The following BAIAP2 variants were observed in gnomAD, a reference collection of about 807,000 sequenced individuals.
BAIAP2 encodes BAR/IMD domain containing adaptor protein 2, also known as BAR/IMD domain-containing adapter protein 2.
A neutral mutation model predicts 63.0 loss-of-function variants in BAIAP2; 18 were observed. The ratio of observed to expected loss-of-function variants is 0.29; its 90% CI spans 0.20 to 0.42. The LOEUF is 0.42. Among genes scored for constraint, BAIAP2 ranks in the 10% least tolerant of loss-of-function variants. The probability of loss-of-function intolerance (pLI) is 1.00; values close to 1 mark genes in which losing one functional copy is unlikely to be tolerated. For missense variants in BAIAP2, 610 were observed against 734.3 expected (o/e 0.83, Z 1.96); for synonymous variants, 386 against 307.6 (o/e 1.25, Z -2.67).
At position 81,046,879 on chromosome 17, in the gene BAIAP2, G is replaced by T. The variant is rs2047893568; in HGVS notation, c.55-6789G>T. On this transcript the variant is annotated intron_variant, in intron 1 of 13. Transcript: ENST00000428708. This position sits in a 1 kb window ranked among gnomAD's most constrained non-coding sequence, Gnocchi z 4.5. ...TGTGAGGTCCGTGTCTGTGTGTGGGGTCCTCATGCTGTGGCTGTGGTGGCA... is the reference window on the plus strand; with the variant it reads ...TGTGAGGTCCGTGTCTGTGTGTGGGTTCCTCATGCTGTGGCTGTGGTGGCA... Among the ~76,000 whole-genome samples the T allele has an allele frequency of 3.3e-5, 5 of 152,220 alleles. No homozygotes were observed. The highest frequency in any genetic ancestry group is 3.3e-4 in the Admixed American group (5 of 15,276).
intron 13 of BAIAP2, among the ~76,000 whole-genome samples, chr17:81,111,658 G>A (rs555525863): frequency 7.2e-5 from 11 of 152,350 alleles, no homozygotes; most frequent in South Asian, 6.2e-4. Flanking sequence ...TCTGGAGTCC[G>A]GGTCTGAGTC....
intron 13 of BAIAP2, chr17:81,109,162 G>A: frequency 7.0e-7 from 1 of 1,436,288 alleles, no homozygotes; most frequent in Non-Finnish European, 9.1e-7. Context: ...TGATCCCCCA[G>A]GGTCCATGGT....
chr17:81,036,770 C>T (rs1360248631), intron 1 of BAIAP2: 4 of 1,113,318 alleles, frequency 3.6e-6, no homozygotes, highest in East Asian at 2.6e-5. Flanking sequence ...ACGGTTCTGG[C>T]CTTGTTGCTC....
chr17:81,079,563 C>CTG (rs1420451727), intron 3 of BAIAP2, among the ~76,000 whole-genome samples: 1 of 152,170 alleles, frequency 6.6e-6, no homozygotes, highest in African/African-American at 2.4e-5. Context: ...CAGCCCTGGG[C>CTG]TGGTGGGGTG....
intron 6 of BAIAP2, among the ~76,000 whole-genome samples, chr17:81,089,136 C>T (rs1013181543): frequency 6.6e-6 from 1 of 152,252 alleles, no homozygotes; most frequent in African/African-American, 2.4e-5. Flanking sequence ...TCAAGCCCAT[C>T]CCACACAGGG....
chr17:81,105,832 T>G, intron 10 of BAIAP2: 8 of 424,794 alleles, frequency 1.9e-5, no homozygotes, highest in East Asian at 4.6e-5. Context: ...GGCCTTGCAG[T>G]TGGGTCTGGT....
chr17:81,038,472 G>GGGA (rs973383899), intron 1 of BAIAP2, among the ~76,000 whole-genome samples: 7 of 152,236 alleles, frequency 4.6e-5, no homozygotes, highest in African/African-American at 1.4e-4. Context: ...AGAGCATCTG[G>GGGA]GGAGGAGGAG....
chr17:81,108,898 T>C, intron 13 of BAIAP2: 1 of 1,520,684 alleles, frequency 6.6e-7, no homozygotes, highest in Non-Finnish European at 8.8e-7. Flanking sequence ...TGCTCGGTGC[T>C]GGCGGACTCG....
intron 3 of BAIAP2, among the ~76,000 whole-genome samples, chr17:81,060,249 G>T (rs2050316276): frequency 6.6e-6 from 1 of 152,162 alleles, no homozygotes; most frequent in African/African-American, 2.4e-5. Context: ...TGTATTTACA[G>T]TGTGCAACCA....
At chr17:81,095,091 A>G (rs1470121139) in intron 6 of BAIAP2, among the ~76,000 whole-genome samples, 1 of 152,212 alleles carries the variant, frequency 6.6e-6, no homozygotes, top group Non-Finnish European at 1.5e-5. Context: ...AAGTGGGAGC[A>G]TTCTGTGGGT....
At position 81,116,343 on chromosome 17, in the gene BAIAP2, G is replaced by GCTACACCTGGAGTGTGGGGC. The variant is rs1568210590; in HGVS notation, c.*507_*526dup. The GCTACACCTGGAGTGTGGGGC allele has an allele frequency of 6.2e-7, 1 of 1,610,844 alleles. No homozygotes were observed. The highest frequency in any genetic ancestry group is 8.5e-7 in the Non-Finnish European group (1 of 1,179,028). On this transcript the variant is annotated 3_prime_UTR_variant, in exon 14 of 14. Coordinates refer to ENST00000428708, the MANE Select transcript of BAIAP2 (RefSeq NM_001144888.2). Reference sequence around the variant, plus strand: ...CACGTAATTCCCTGCAGGTCCGGCAGCTACACCTGGAGTGTGGGGCCTGGT... The same window carrying GCTACACCTGGAGTGTGGGGC: ...CACGTAATTCCCTGCAGGTCCGGCAGCTACACCTGGAGTGTGGGGCCTACACCTGGAGTGTGGGGCCTGGT...
rs146631363 is a variant in BAIAP2 at position 81,110,987 on chromosome 17, C to G, written c.1535+2478C>G. Reference sequence around the variant, plus strand: ...AAGTTGCCTGGCGTTCTCGTGCAGTCACTGGCCTCTCCAGTGGTTCTCCAC... The same window carrying G: ...AAGTTGCCTGGCGTTCTCGTGCAGTGACTGGCCTCTCCAGTGGTTCTCCAC... On this transcript the variant is annotated intron_variant, in intron 13 of 13. Coordinates refer to ENST00000428708, the MANE Select transcript of BAIAP2 (RefSeq NM_001144888.2). 6.6e-3 allele frequency: 10,662 copies of G among 1,613,384 alleles called. 48 individuals carry two copies. Among genetic ancestry groups the G allele is most frequent in the Non-Finnish European group, 7.8e-3 (9,218 of 1,179,836 alleles).
At chr17:81,096,581 T>C (rs1011293800) in intron 6 of BAIAP2, among the ~76,000 whole-genome samples, 2 of 152,144 alleles carry the variant, frequency 1.3e-5, no homozygotes, top group South Asian at 4.1e-4. Flanking sequence ...TGGGTGCTCA[T>C]CTCCAGGCCC....
intron 3 of BAIAP2, among the ~76,000 whole-genome samples, 158 bp from the exon 4 acceptor site, chr17:81,084,674 G>A (rs1349446583): frequency 6.6e-6 from 1 of 152,106 alleles, no homozygotes; most frequent in Non-Finnish European, 1.5e-5. Flanking sequence ...TCCTTTTGGT[G>A]TCCCCTCTCC....
chr17:81,103,754 G>GGT lies in BAIAP2; in HGVS notation c.864+35_864+36dup, dbSNP rs766415384. On this transcript the variant is annotated intron_variant, in intron 8 of 13. Coordinates refer to ENST00000428708, the MANE Select transcript of BAIAP2 (RefSeq NM_001144888.2). ...TCTGTGGCCTCTGGAAAGCTTCACGGGTGTGGGTGGGAGGGCAGCTTGTTG... is the reference window on the plus strand; with the variant it reads ...TCTGTGGCCTCTGGAAAGCTTCACGGGTGTGTGGGTGGGAGGGCAGCTTGTTG... 30 of 1,584,308 alleles carry GGT rather than the reference G, an allele frequency of 1.9e-5. 1 individual carries two copies. The South Asian group carries it at 3.1e-4, about 16-fold the overall frequency.
chr17:81,035,715 C>G (rs977791646), intron 1 of BAIAP2, among the ~76,000 whole-genome samples: 1 of 151,856 alleles, frequency 6.6e-6, no homozygotes, highest in African/African-American at 2.4e-5. Context: ...GCCGGGGCGG[C>G]GGGGGCGGCG....
At chr17:81,096,332 G>C (rs1347873736) in intron 6 of BAIAP2, among the ~76,000 whole-genome samples, 1 of 152,170 alleles carries the variant, frequency 6.6e-6, no homozygotes, top group Non-Finnish European at 1.5e-5. Flanking sequence ...CTCATGATGG[G>C]GTGCGTTGGG....
At chr17:81,074,958 A>G (rs2053411930) in intron 3 of BAIAP2, among the ~76,000 whole-genome samples, 1 of 152,248 alleles carries the variant, frequency 6.6e-6, no homozygotes, top group South Asian at 2.1e-4. Flanking sequence ...TGGGCTGGGA[A>G]GAGAATAATG....
intron 3 of BAIAP2, among the ~76,000 whole-genome samples, chr17:81,065,091 T>A (rs1416186021): frequency 6.6e-6 from 1 of 152,174 alleles, no homozygotes; most frequent in Non-Finnish European, 1.5e-5. Context: ...GGGTTAGACT[T>A]TTCCCAGGGG....
Sources: gnomAD v4.1 joint callset for allele counts (sites outside exome capture counted in the v4.1 genomes callset) on GRCh38, gnomAD v4.1.1 for gene constraint, Gnocchi (gnomAD v3.1) non-coding constraint, MANE v1.5 for transcripts, NCBI Gene and HGNC (gene_info 2026-07-23, HGNC 2026-07-21) for gene names.